Variants in ASTN2 observed in about 807,000 individuals in gnomAD.
ASTN2 encodes the protein astrotactin-2.
A neutral mutation model predicts 139.8 loss-of-function variants in ASTN2; 54 were observed. The observed-to-expected ratio is 0.39, with a 90% CI of 0.31 to 0.48. The LOEUF is 0.48. Ranked by LOEUF, ASTN2 falls within the 20% of genes least tolerant of loss-of-function variation. The pLI, the probability that ASTN2 is intolerant of heterozygous loss-of-function variation, is 0.95. For missense variants in ASTN2, 1,565 were observed against 1,725.1 expected, an observed-to-expected ratio of 0.91 and a Z score of 1.64; for synonymous variants, 756 against 719.5, an observed-to-expected ratio of 1.05 and a Z score of -0.81.
chr9:116,892,542 C>T (rs1457342126), intron 10 of ASTN2, among the ~76,000 whole-genome samples: 3 of 151,514 alleles, frequency 2.0e-5, no homozygotes, highest in Non-Finnish European at 4.4e-5. Context: ...AGAGAGAAGG[C>T]AGATGAAGCC....
At chr9:117,037,728 G>A (rs1212915212) in intron 6 of ASTN2, among the ~76,000 whole-genome samples, 1 of 152,060 alleles carries the variant, frequency 6.6e-6, no homozygotes, top group Non-Finnish European at 1.5e-5. Context: ...TGAAGGGTGG[G>A]GACATGCATT....
At chr9:117,294,749 CCCCTTCT>C (rs1273734078) in intron 1 of ASTN2, among the ~76,000 whole-genome samples, 2 of 152,164 alleles carry the variant, frequency 1.3e-5, no homozygotes, top group Non-Finnish European at 2.9e-5. Context: ...TCTACCATCA[CCCCTTCT>C]TCACACACTC....
At chr9:116,678,347 CT>C (rs766615758) in intron 16 of ASTN2, among the ~76,000 whole-genome samples, 29 of 152,290 alleles carry the variant, frequency 1.9e-4, no homozygotes, top group Admixed American at 3.9e-4. Context: ...GGCTCCACCC[CT>C]AGTACATAAT....
At chr9:116,543,013 T>C (rs997594114) in intron 19 of ASTN2, among the ~76,000 whole-genome samples, 7 of 152,054 alleles carry the variant, frequency 4.6e-5, no homozygotes, top group African/African-American at 1.7e-4. Context: ...TCATATAGTA[T>C]CTTGTTGGAC....
intron 20 of ASTN2, among the ~76,000 whole-genome samples, chr9:116,460,830 T>C (rs1019491287): frequency 1.3e-5 from 2 of 152,142 alleles, no homozygotes; most frequent in African/African-American, 4.8e-5. Flanking sequence ...GAGTTCCATC[T>C]GCCACACTGG....
At chr9:117,034,989 C>G (rs1838342636) in intron 6 of ASTN2, among the ~76,000 whole-genome samples, 1 of 152,148 alleles carries the variant, frequency 6.6e-6, no homozygotes, top group African/African-American at 2.4e-5. Flanking sequence ...TGCAGTAACA[C>G]AAGGGCAGAA....
intron 15 of ASTN2, among the ~76,000 whole-genome samples, chr9:116,727,859 T>C (rs1828672792): frequency 6.6e-6 from 1 of 152,188 alleles, no homozygotes; most frequent in Non-Finnish European, 1.5e-5. Context: ...TACTGTTCTG[T>C]CATAAGAAAT....
chr9:116,669,722 T>G (rs1859075084), intron 16 of ASTN2, among the ~76,000 whole-genome samples: 1 of 152,210 alleles, frequency 6.6e-6, no homozygotes, highest in African/African-American at 2.4e-5. Context: ...TTGGCTTGTA[T>G]TCTCATTATC....
At chr9:116,951,077 C>A (rs1425357605) in intron 10 of ASTN2, among the ~76,000 whole-genome samples, 1 of 152,120 alleles carries the variant, frequency 6.6e-6, no homozygotes, top group Non-Finnish European at 1.5e-5. Context: ...ATGGCTCACG[C>A]CTGTAGCCCC....
At chr9:116,501,799 A>G (rs1438884499) in intron 19 of ASTN2, among the ~76,000 whole-genome samples, 2 of 151,986 alleles carry the variant, frequency 1.3e-5, no homozygotes, top group Non-Finnish European at 2.9e-5. Flanking sequence ...ACATGTATCC[A>G]TATGTAACTA....
intron 10 of ASTN2, among the ~76,000 whole-genome samples, chr9:116,911,706 C>T (rs149507540): frequency 1.1e-3 from 168 of 152,256 alleles, no homozygotes; most frequent in African/African-American, 3.5e-3. Context: ...AGATCGAGAA[C>T]ATCCTGGCTA....
intron 10 of ASTN2, among the ~76,000 whole-genome samples, chr9:116,910,645 G>A (rs1834285400): frequency 1.3e-5 from 2 of 151,970 alleles, no homozygotes; most frequent in Admixed American, 1.3e-4. Flanking sequence ...CTGAGTTGAG[G>A]GACTGGACTC....
At chr9:117,003,947 C>G (rs1043317702) in intron 7 of ASTN2, among the ~76,000 whole-genome samples, 5 of 130,536 alleles carry the variant, frequency 3.8e-5, no homozygotes, top group Non-Finnish European at 7.9e-5. Context: ...TTCACGCGCG[C>G]GCGCGCGTGT....
chr9:116,550,507 A>G (rs1785121830), intron 19 of ASTN2, among the ~76,000 whole-genome samples: 1 of 152,186 alleles, frequency 6.6e-6, no homozygotes, highest in South Asian at 2.1e-4. Context: ...CAGAAAATGT[A>G]GCTTACATTA....
At chr9:116,445,121 G>A (rs1044500772) in intron 20 of ASTN2, among the ~76,000 whole-genome samples, 3 of 152,048 alleles carry the variant, frequency 2.0e-5, no homozygotes, top group Non-Finnish European at 2.9e-5. Flanking sequence ...ATGACAACAA[G>A]TCATTTAACA....
chr9:116,513,921 T>C (rs1319307475), intron 19 of ASTN2, among the ~76,000 whole-genome samples: 1 of 151,910 alleles, frequency 6.6e-6, no homozygotes, highest in Non-Finnish European at 1.5e-5. Flanking sequence ...TTCAAGGTTT[T>C]TATCTTCTTT....
intron 20 of ASTN2, among the ~76,000 whole-genome samples, chr9:116,471,250 G>A (rs775134646): frequency 2.0e-4 from 30 of 152,154 alleles, no homozygotes; most frequent in Non-Finnish European, 4.1e-4. Flanking sequence ...TGCGATAAGG[G>A]TGAGAGGAGT....
intron 11 of ASTN2, among the ~76,000 whole-genome samples, chr9:116,843,020 C>CG (rs1232877154): frequency 6.6e-6 from 1 of 152,198 alleles, no homozygotes; most frequent in Non-Finnish European, 1.5e-5. Context: ...ATTTTGCCCT[C>CG]AGCCAGGCCT....
chr9:116,589,607 C>G (rs181848120), intron 19 of ASTN2, among the ~76,000 whole-genome samples: 374 of 152,164 alleles, frequency 2.5e-3, no homozygotes, highest in Non-Finnish European at 4.0e-3. Flanking sequence ...ATGGTGGAGG[C>G]GAAGGGAATA....
Sources: gnomAD v4.1 joint callset for allele counts (sites outside exome capture counted in the v4.1 genomes callset) on GRCh38, gnomAD v4.1.1 for gene constraint, MANE v1.5 for transcripts, NCBI Gene and HGNC (gene_info 2026-07-23, HGNC 2026-07-21) for gene names.